TXNRD2: variants seen among roughly 807,000 people sequenced by gnomAD.
TXNRD2 encodes thioredoxin reductase 2, mitochondrial.
Under a neutral mutation model 70.8 loss-of-function variants are expected in TXNRD2, and 67 were observed. The observed-to-expected ratio is 0.95, with a 90% confidence interval of 0.78 to 1.16. The LOEUF (loss-of-function observed/expected upper bound fraction) is 1.16. Ranked by LOEUF, TXNRD2 falls within the 50% of genes most tolerant of loss-of-function variation. The probability of loss-of-function intolerance (pLI) is 0.00; values close to 1 mark genes in which losing one functional copy is unlikely to be tolerated. For missense variants in TXNRD2, 644 were observed against 719.9 expected, an observed-to-expected ratio of 0.89 and a Z score of 1.21; for synonymous variants, 301 against 295.8, an observed-to-expected ratio of 1.02 and a Z score of -0.18.
At chr22:19,918,622 C>T (rs918653279) in intron 4 of TXNRD2, among the ~76,000 whole-genome samples, 1 of 152,180 alleles carries the variant, frequency 6.6e-6, no homozygotes, top group African/African-American at 2.4e-5. Context: ...CTGTGCTGTG[C>T]ATGGCTGTAG....
intron 8 of TXNRD2, chr22:19,911,157 G>T: frequency 3.1e-6 from 2 of 653,448 alleles, no homozygotes; most frequent in South Asian, 3.2e-5. Flanking sequence ...TGCTGATCTC[G>T]AACTCCTGGC....
intron 9 of TXNRD2, among the ~76,000 whole-genome samples, chr22:19,898,805 G>C (rs1003281215): frequency 6.6e-6 from 1 of 152,136 alleles, no homozygotes; most frequent in Non-Finnish European, 1.5e-5. Flanking sequence ...TCTTGAGGGA[G>C]GACAGCCCAG....
intron 2 of TXNRD2, 28 bp downstream of exon 2, chr22:19,931,002 C>T: frequency 6.2e-7 from 1 of 1,609,780 alleles, no homozygotes; most frequent in Non-Finnish European, 8.5e-7. Flanking sequence ...GCTTCGAGGC[C>T]TTGCCACGAA....
In TXNRD2 at chr22:19,934,509, GATTTC is replaced by G. The variant is rs199826461; in HGVS notation, c.104-3416_104-3412del. ...GTGGCAGAGGAACATAAATAGTGAA[GATTTC>G]ATTTCAATATGAACATTTATCAATT... On this transcript the variant is annotated intron_variant, in intron 1 of 17. Coordinates refer to ENST00000400521, the MANE Select transcript of TXNRD2 (RefSeq NM_006440.5). Among the ~76,000 whole-genome samples, 448 of 151,764 alleles carry G rather than the reference GATTTC, an allele frequency of 3.0e-3. 2 individuals carry two copies. Among genetic ancestry groups the G allele is most frequent in the African/African-American group, 9.9e-3 (409 of 41,392 alleles).
chr22:19,921,073 C>T (rs547078279), intron 2 of TXNRD2, among the ~76,000 whole-genome samples: 1 of 149,454 alleles, frequency 6.7e-6, no homozygotes, highest in South Asian at 2.1e-4. Context: ...TGCCACTGTA[C>T]TCCAGACTGG....
At chr22:19,906,563 A>G (rs1940023279) in intron 8 of TXNRD2, among the ~76,000 whole-genome samples, 1 of 152,188 alleles carries the variant, frequency 6.6e-6, no homozygotes, top group African/African-American at 2.4e-5. Flanking sequence ...TCAAGGCTGC[A>G]GCGAGCCATG....
chr22:19,879,217 G>A (rs1938644243), intron 14 of TXNRD2, among the ~76,000 whole-genome samples: 2 of 152,234 alleles, frequency 1.3e-5, no homozygotes, highest in Non-Finnish European at 2.9e-5. Flanking sequence ...TGTTGATGGA[G>A]AGTTCTGGGG....
rs764378793 is a variant in TXNRD2, at chr22:19,931,030, C to A, written c.172G>T (p.Ala58Ser). The change falls in exon 2 of 18, where the codon GCC becomes TCC. Residue 58 changes from alanine (A) to serine (S), a missense_variant and splice_region_variant. Physicochemically the swap from Ala to Ser is moderately conservative, Grantham distance 99. Around this residue, in one of 3 missense-constraint regions of TXNRD2, gnomAD observed 566 missense variants for 645.0 expected, o/e 0.88. Coordinates refer to ENST00000400521, the MANE Select transcript of TXNRD2 (RefSeq NM_006440.5). ...GSGGLACAKE[A>S]AQLGRKVAVV... ...GCCACGAAGTATACAGAATACATAC[C>A]CTCCTTGGCACAAGCCAGGCCACCA... The A allele has an allele frequency of 6.2e-7, 1 of 1,613,682 alleles. No individual in the cohort carries two copies. The highest frequency in any genetic ancestry group is 8.5e-7 in the Non-Finnish European group (1 of 1,179,934).
At chr22:19,918,048 A>T in intron 5 of TXNRD2, 95 bp downstream of exon 5, 1 of 1,093,090 alleles carries the variant, frequency 9.1e-7, no homozygotes, top group South Asian at 1.2e-5. Context: ...AGCCTGCCAG[A>T]GCATGCTCTG....
chr22:19,925,950 T>C (rs1412699218), intron 2 of TXNRD2, among the ~76,000 whole-genome samples: 1 of 151,958 alleles, frequency 6.6e-6, no homozygotes, highest in Non-Finnish European at 1.5e-5. Flanking sequence ...GTGGATCACC[T>C]GAGGTCAGGA....
intron 12 of TXNRD2, among the ~76,000 whole-genome samples, chr22:19,882,687 C>T (rs1971011649): frequency 6.6e-6 from 1 of 152,226 alleles, no homozygotes; most frequent in South Asian, 2.1e-4. Flanking sequence ...TGGACACATG[C>T]AGGACAGGCC....
At chr22:19,908,685 C>T (rs767846378) in intron 8 of TXNRD2, among the ~76,000 whole-genome samples, 6 of 152,086 alleles carry the variant, frequency 3.9e-5, no homozygotes, top group Admixed American at 1.3e-4. Context: ...CCTATGTTCA[C>T]GGCAGCACTG....
intron 2 of TXNRD2, among the ~76,000 whole-genome samples, chr22:19,921,055 C>T (rs1414456099): frequency 2.7e-5 from 4 of 145,470 alleles, no homozygotes; most frequent in South Asian, 2.2e-4. Context: ...TGCAGTGAGC[C>T]GAGATTGTGC....
chr22:19,934,511 T>C (rs994734257), intron 1 of TXNRD2, among the ~76,000 whole-genome samples: 1 of 151,068 alleles, frequency 6.6e-6, no homozygotes, highest in African/African-American at 2.5e-5. Flanking sequence ...ATAGTGAAGA[T>C]TTCATTTCAA....
intron 10 of TXNRD2, among the ~76,000 whole-genome samples, chr22:19,896,892 G>A (rs76013901): frequency 6.6e-6 from 1 of 152,288 alleles, no homozygotes; most frequent in African/African-American, 2.4e-5. Context: ...CAGAGGCCTG[G>A]AGGGCATGGC....
In TXNRD2 at chr22:19,901,281, CAGG is replaced by C. The variant is rs530177010; in HGVS notation, c.663-2216_663-2214del. On this transcript the variant is annotated intron_variant, in intron 8 of 17. Coordinates refer to ENST00000400521, the MANE Select transcript of TXNRD2 (RefSeq NM_006440.5). ...CTCCTGTCCTGGCACCCACGGGGCA[CAGG>C]AGAAGCTCCCGCCTCAAGGGCCACC... Among the ~76,000 whole-genome samples, 465 of 152,334 alleles carry C rather than the reference CAGG, an allele frequency of 3.1e-3. 1 individual carries two copies. Among genetic ancestry groups the C allele is most frequent in the African/African-American group, 0.01 (434 of 41,576 alleles).
At chr22:19,883,656 G>A (rs1938891764) in intron 11 of TXNRD2, 195 bp from the exon 12 acceptor site, 1 of 700,650 alleles carries the variant, frequency 1.4e-6, no homozygotes, top group Non-Finnish European at 2.4e-6. Context: ...TGGCCAACAT[G>A]ATGAAACCCT....
At chr22:19,883,908 C>T (rs558134640) in intron 11 of TXNRD2, 7 of 163,386 alleles carry the variant, frequency 4.3e-5, no homozygotes, top group South Asian at 1.5e-4. Flanking sequence ...TGCACCATTG[C>T]GCTCCAGCCT....
intron 2 of TXNRD2, among the ~76,000 whole-genome samples, chr22:19,924,457 T>C (rs1941042679): frequency 6.6e-6 from 1 of 152,190 alleles, no homozygotes; most frequent in African/African-American, 2.4e-5. Context: ...TACTTTCAGC[T>C]GCATGGTCTC....
Sources: gnomAD v4.1 joint callset for allele counts (sites outside exome capture counted in the v4.1 genomes callset) on GRCh38, gnomAD v4.1.1 for gene constraint, gnomAD v4.1.1 regional missense constraint, MANE v1.5 for transcripts, NCBI Gene and HGNC (gene_info 2026-07-23, HGNC 2026-07-21) for gene names.